TUB: variants seen among roughly 807,000 people sequenced by gnomAD.
TUB encodes tubby protein homolog.
TUB carries 33 observed loss-of-function variants against 59.7 expected under a neutral mutation model. That is an observed-to-expected ratio of 0.55 (90% CI 0.42 to 0.74). TUB has a LOEUF of 0.74. TUB is among the 30% of genes least tolerant of loss of function. The pLI, the probability that TUB is intolerant of heterozygous loss-of-function variation, is 0.00. For synonymous variants in TUB, 293 were observed against 256.4 expected (o/e 1.14, Z -1.36); for missense variants, 659 against 672.0 (o/e 0.98, Z 0.21).
intron 2 of TUB, among the ~76,000 whole-genome samples, chr11:8,056,699 G>C (rs908875537): frequency 6.6e-6 from 1 of 152,076 alleles, no homozygotes; most frequent in African/African-American, 2.4e-5. Context: ...TATCTGTGGA[G>C]TGTCTGAGGT....
upstream of TUB, among the ~76,000 whole-genome samples, chr11:8,035,008 C>G (rs1942627024): frequency 6.6e-6 from 1 of 152,222 alleles, no homozygotes; most frequent in South Asian, 2.1e-4. Flanking sequence ...TCGCATGATG[C>G]GTTTTCAATG....
Position 8,040,225 on chromosome 11 carries a change from AT to A in TUB, c.203+536del, listed in dbSNP as rs144162861. 4.7e-3 allele frequency among the ~76,000 whole-genome samples: 722 copies of A among 152,316 alleles called. 7 individuals carry two copies. The highest frequency in any genetic ancestry group is 0.046 in the South Asian group (224 of 4,830). ...GCCTAAGGCTCCTAACCAGGACCTC[AT>A]TTGTTGTTTACACATGTTGGGGTCC... On this transcript the variant is annotated intron_variant, in intron 2 of 12. Coordinates refer to the TUB transcript ENST00000305253.
At position 8,097,727 on chromosome 11, in the gene TUB, C is replaced by A; in HGVS notation, c.899C>A (p.Ala300Glu). The A allele has an allele frequency of 6.2e-7, 1 of 1,613,406 alleles. No homozygotes were observed. Among genetic ancestry groups the A allele is most frequent in the Non-Finnish European group, 8.5e-7 (1 of 1,179,566 alleles). Reference protein sequence around the residue: ...REDGKKVFLLAGRKRKKSKTS... With the variant: ...REDGKKVFLLEGRKRKKSKTS... Reference sequence around the variant, plus strand: ...CCACTCCCCAAGGTGTTCCTCCTGGCGGGAAGGAAGAGAAAGAAGAGTAAA... The same window carrying A: ...CCACTCCCCAAGGTGTTCCTCCTGGAGGGAAGGAAGAGAAAGAAGAGTAAA... The change falls in exon 8 of 12, where the codon GCG becomes GAG. Residue 300 changes from alanine to glutamate, a missense_variant. Transcript: ENST00000299506.
At chr11:8,030,887 G>A (rs757783640) in intron 1 of TUB, among the ~76,000 whole-genome samples, 6 of 152,198 alleles carry the variant, frequency 3.9e-5, no homozygotes, top group Non-Finnish European at 8.8e-5. Context: ...AGACACTGCA[G>A]ACCAACTAAA....
intron 3 of TUB, among the ~76,000 whole-genome samples, chr11:8,090,708 A>G (rs532835823): frequency 3.3e-5 from 5 of 152,172 alleles, no homozygotes; most frequent in Non-Finnish European, 5.9e-5. Flanking sequence ...TCTGGCTCAC[A>G]ACTCCTTAAG....
chr11:8,054,725 TTGTG>T (rs1214078939), intron 2 of TUB, among the ~76,000 whole-genome samples: 1 of 152,200 alleles, frequency 6.6e-6, no homozygotes, highest in Non-Finnish European at 1.5e-5. Context: ...GATTTCCACT[TTGTG>T]TGAATATTGT....
intron 2 of TUB, among the ~76,000 whole-genome samples, chr11:8,047,972 C>T (rs1263035019): frequency 6.6e-6 from 1 of 152,094 alleles, no homozygotes; most frequent in African/African-American, 2.4e-5. Flanking sequence ...TTATTTATAT[C>T]CTTCACTGTC....
intron 9 of TUB, among the ~76,000 whole-genome samples, 167 bp downstream of exon 9, chr11:8,099,042 TCTC>T (rs1412845337): frequency 8.6e-5 from 13 of 152,030 alleles, no homozygotes; most frequent in East Asian, 1.9e-4. Context: ...GCTCTGGCTC[TCTC>T]CTCCTGACTT....
chr11:8,082,033 G>A (rs952168343), intron 1 of TUB, among the ~76,000 whole-genome samples: 3 of 152,238 alleles, frequency 2.0e-5, no homozygotes, highest in African/African-American at 7.2e-5. Context: ...CAGTGGTCAT[G>A]TGGACATGCA....
intron 1 of TUB, among the ~76,000 whole-genome samples, chr11:8,023,961 C>T (rs960948615): frequency 1.3e-5 from 2 of 152,156 alleles, no homozygotes; most frequent in Non-Finnish European, 2.9e-5. Context: ...CATTCTAGAC[C>T]CTTCTCTTCA....
At chr11:8,039,221 G>A (rs1044369147) in intron 1 of TUB, among the ~76,000 whole-genome samples, 1 of 152,142 alleles carries the variant, frequency 6.6e-6, no homozygotes, top group African/African-American at 2.4e-5. Context: ...GGTGATCAGG[G>A]AGGCTTCATT....
intron 1 of TUB, among the ~76,000 whole-genome samples, chr11:8,020,745 AGTG>A (rs751820649): frequency 1.3e-5 from 2 of 152,184 alleles, no homozygotes; most frequent in Non-Finnish European, 2.9e-5. Context: ...CTTTTTGAAA[AGTG>A]GTGCTCTCCA....
intron 2 of TUB, among the ~76,000 whole-genome samples, chr11:8,060,582 G>C (rs1047105069): frequency 6.6e-6 from 1 of 152,118 alleles, no homozygotes; most frequent in South Asian, 2.1e-4. Context: ...GACATTTGGA[G>C]CCCCAGGGTC....
intron 2 of TUB, among the ~76,000 whole-genome samples, chr11:8,046,675 C>G (rs1269022225): frequency 6.6e-6 from 1 of 151,920 alleles, no homozygotes; most frequent in South Asian, 2.1e-4. Context: ...GACTATATAG[C>G]AGCCTGCAAA....
Position 8,057,359 on chromosome 11 carries a change from C to T in TUB, c.203+17667C>T, listed in dbSNP as rs146414708. On this transcript the variant is annotated intron_variant, in intron 2 of 12. Transcript: ENST00000305253. ...GGCCCAGTAACGAGATGCAGATGAACTGGGAGAGAGGGGAGTTTTTATTTC... is the reference window on the plus strand; with the variant it reads ...GGCCCAGTAACGAGATGCAGATGAATTGGGAGAGAGGGGAGTTTTTATTTC... Among the ~76,000 whole-genome samples the T allele has an allele frequency of 4.8e-3, 724 of 152,210 alleles. 4 individuals carry two copies. The highest frequency in any genetic ancestry group is 0.016 in the African/African-American group (672 of 41,524).
At chr11:8,065,382 GAC>G (rs1212917909) in intron 2 of TUB, among the ~76,000 whole-genome samples, 1 of 152,186 alleles carries the variant, frequency 6.6e-6, no homozygotes, top group Non-Finnish European at 1.5e-5. Flanking sequence ...CAATGGGAGT[GAC>G]ACAGAGTTAA....
intron 2 of TUB, among the ~76,000 whole-genome samples, chr11:8,050,648 T>G (rs1249496783): frequency 6.6e-6 from 1 of 152,262 alleles, no homozygotes; most frequent in African/African-American, 2.4e-5. Flanking sequence ...TAATTCATTT[T>G]TTTTAAAAAA....
chr11:8,063,683 T>C (rs1943177150), intron 2 of TUB, among the ~76,000 whole-genome samples: 1 of 152,222 alleles, frequency 6.6e-6, no homozygotes, highest in South Asian at 2.1e-4. Context: ...CAAATTACTT[T>C]CTTAGTATTT....
In TUB at chr11:8,022,103, G is replaced by A. The variant is rs538201286; in HGVS notation, c.56+2745G>A. Among the ~76,000 whole-genome samples the A allele has an allele frequency of 4.6e-5, 7 of 152,240 alleles. No individual in the cohort carries two copies. The East Asian group carries it at 9.7e-4, about 21-fold the overall frequency. Reference sequence around the variant, plus strand: ...ACTGAATCAGAATATCCAGGGGTAGGACCTGGGCTCAATGTTTGTTTAAAA... The same window carrying A: ...ACTGAATCAGAATATCCAGGGGTAGAACCTGGGCTCAATGTTTGTTTAAAA... On this transcript the variant is annotated intron_variant, in intron 1 of 11. Coordinates refer to the TUB transcript ENST00000534099.
Sources: allele counts gnomAD v4.1 joint callset (sites outside exome capture counted in the v4.1 genomes callset), GRCh38; gene constraint gnomAD v4.1.1; transcripts MANE v1.5; gene names NCBI Gene and HGNC (gene_info 2026-07-23, HGNC 2026-07-21).